The following DHX15 variants were observed in gnomAD, a reference collection of about 807,000 sequenced individuals.
DHX15 encodes the protein DEAH-box helicase 15.
In DHX15, 11 loss-of-function variants were observed where a neutral mutation model predicts 94.4. The observed-to-expected ratio is 0.12, with a 90% confidence interval of 0.07 to 0.19. DHX15 has a LOEUF of 0.19. Ranked by LOEUF, DHX15 falls within the 10% of genes least tolerant of loss-of-function variation. The pLI is 1.00. For missense variants in DHX15, 304 were observed against 988.5 expected (o/e 0.31, Z 9.29); for synonymous variants, 338 against 329.9 (o/e 1.02, Z -0.27).
intron 3 of DHX15, among the ~76,000 whole-genome samples, chr4:24,563,873 G>A (rs1721937523): frequency 6.6e-6 from 1 of 152,012 alleles, no homozygotes; most frequent in South Asian, 2.1e-4. Flanking sequence ...AGACCATCCT[G>A]GCTAACACAG....
At chr4:24,574,882 G>T (rs1231762366) in intron 2 of DHX15, among the ~76,000 whole-genome samples, 1 of 152,088 alleles carries the variant, frequency 6.6e-6, no homozygotes, top group African/African-American at 2.4e-5. Flanking sequence ...GGTGATTTTT[G>T]AATACCCTAA....
intron 5 of DHX15, among the ~76,000 whole-genome samples, chr4:24,550,272 T>C (rs955845110): frequency 6.6e-6 from 1 of 151,996 alleles, no homozygotes; most frequent in African/African-American, 2.4e-5. Context: ...CTGTACATTT[T>C]GGCGATACAA....
chr4:24,556,180 AGTAT>A, intron 4 of DHX15, 67 bp downstream of exon 4: 1 of 1,240,932 alleles, frequency 8.1e-7, no homozygotes, highest in Non-Finnish European at 1.1e-6. Flanking sequence ...GTTATTGATC[AGTAT>A]GTATTCCCCA....
intron 12 of DHX15, 159 bp from the exon 13 acceptor site, chr4:24,529,929 C>T: frequency 1.3e-6 from 1 of 742,486 alleles, no homozygotes; most frequent in South Asian, 1.8e-5. Context: ...AAGCAAACTG[C>T]TGCCTGTGGG....
At chr4:24,557,789 G>A (rs1001166818) in intron 3 of DHX15, among the ~76,000 whole-genome samples, 3 of 152,068 alleles carry the variant, frequency 2.0e-5, no homozygotes, top group Non-Finnish European at 2.9e-5. Context: ...CAACACTATA[G>A]CCCTTAGCTG....
At chr4:24,545,888 T>C (rs765048422) in intron 6 of DHX15, among the ~76,000 whole-genome samples, 60 of 152,214 alleles carry the variant, frequency 3.9e-4, no homozygotes, top group Non-Finnish European at 6.8e-4. Flanking sequence ...TCAAACCGCA[T>C]TGACTAATAT....
At chr4:24,534,114 A>G (rs1005361297) in intron 11 of DHX15, 7 of 152,234 alleles carry the variant, frequency 4.6e-5, no homozygotes, top group Admixed American at 2.0e-4. Flanking sequence ...AAAGAATACA[A>G]TAACATATTA....
At chr4:24,530,924 G>C (rs1721071586) in intron 12 of DHX15, 2 of 152,150 alleles carry the variant, frequency 1.3e-5, no homozygotes, top group Non-Finnish European at 2.9e-5. Flanking sequence ...TTTTTAAAAA[G>C]AGATAGGGTT....
At chr4:24,580,585 T>A (rs1446176159) in intron 1 of DHX15, 1 of 151,602 alleles carries the variant, frequency 6.6e-6, no homozygotes. Context: ...CTCGACTCAC[T>A]GCAACCTCTG....
At chr4:24,539,549 G>A (rs1202375335) in intron 10 of DHX15, among the ~76,000 whole-genome samples, 1 of 152,020 alleles carries the variant, frequency 6.6e-6, no homozygotes. Flanking sequence ...CTTTTACCAA[G>A]TTTTTCTACC....
chr4:24,577,804 T>G (rs1722308350), intron 1 of DHX15, among the ~76,000 whole-genome samples: 1 of 152,162 alleles, frequency 6.6e-6, no homozygotes, highest in South Asian at 2.1e-4. Flanking sequence ...AAATAATCTA[T>G]GCTTGTTCAT....
At position 24,537,469 on chromosome 4, in the gene DHX15, T is replaced by C. The variant is rs1721220058; in HGVS notation, c.1787-296A>G. The stretch of plus-strand genomic sequence containing the variant: ...TCAGGATACTAAAAAGCTCAACTTA[T>C]TTAAAAAAACCAGTGCTGATAGCTC... On this transcript the variant is annotated intron_variant, in intron 10 of 13. Transcript: ENST00000336812. This position sits in a 1 kb window ranked among gnomAD's most constrained non-coding sequence, Gnocchi z 4.7. 3 of 225,198 alleles carry C rather than the reference T, an allele frequency of 1.3e-5. No homozygotes were observed. The highest frequency in any genetic ancestry group is 2.2e-4 in the South Asian group (2 of 9,152). 13.9% of individuals were successfully genotyped at this position (225,198 alleles called of 1,614,324 possible). A position where few individuals can be genotyped will look rare whatever the true frequency, so the allele number is the denominator to read the frequency against.
chr4:24,548,359 G>A (rs1409935322), intron 6 of DHX15, among the ~76,000 whole-genome samples: 2 of 151,754 alleles, frequency 1.3e-5, no homozygotes, highest in Non-Finnish European at 2.9e-5. Flanking sequence ...TGGTCAGGCT[G>A]GTCTCAAACT....
intron 3 of DHX15, among the ~76,000 whole-genome samples, chr4:24,557,080 G>C (rs1438202143): frequency 2.0e-5 from 3 of 152,132 alleles, no homozygotes; most frequent in Admixed American, 1.3e-4. Context: ...AGGGAAACCA[G>C]GCTTAGTTAG....
chr4:24,570,589 TTCTA>T (rs1722100839), intron 3 of DHX15, 61 bp downstream of exon 3: 3 of 1,502,912 alleles, frequency 2.0e-6, no homozygotes, highest in African/African-American at 1.4e-5. Context: ...TAGCAAAGTC[TTCTA>T]TCTAATAGCA....
At chr4:24,560,451 C>G (rs543068372) in intron 3 of DHX15, among the ~76,000 whole-genome samples, 1 of 152,096 alleles carries the variant, frequency 6.6e-6, no homozygotes, top group South Asian at 2.1e-4. Flanking sequence ...GATGCAAAAC[C>G]TGGACATCAT....
intron 5 of DHX15, 127 bp from the exon 6 acceptor site, chr4:24,549,149 A>G: frequency 1.4e-6 from 1 of 718,706 alleles, no homozygotes; most frequent in East Asian, 2.9e-5. Flanking sequence ...CCTGTTTTCA[A>G]TTTAGTAACC....
In DHX15 at chr4:24,584,415, A is replaced by C; in HGVS notation, c.-22T>G. Reference sequence around the variant, plus strand: ...ACATCCTCGCACTCTTCGAACGGGCAGTTATTAAGGAAGAAAGCTGGCTGC... The same window carrying C: ...ACATCCTCGCACTCTTCGAACGGGCCGTTATTAAGGAAGAAAGCTGGCTGC... On this transcript the variant is annotated 5_prime_UTR_variant, in exon 1 of 14. Transcript: ENST00000336812. 2 of 1,608,158 alleles carry C rather than the reference A, an allele frequency of 1.2e-6. No homozygotes were observed. Among genetic ancestry groups the C allele is most frequent in the South Asian group, 2.2e-5 (2 of 90,018 alleles).
chr4:24,578,572 T>C (rs1298370949), intron 1 of DHX15, among the ~76,000 whole-genome samples: 1 of 151,982 alleles, frequency 6.6e-6, no homozygotes, highest in Non-Finnish European at 1.5e-5. Flanking sequence ...AACAACTTCC[T>C]TTTTTTTGAG....
Sources: gnomAD v4.1 joint callset for allele counts (sites outside exome capture counted in the v4.1 genomes callset) on GRCh38, gnomAD v4.1.1 for gene constraint, Gnocchi (gnomAD v3.1) non-coding constraint, MANE v1.5 for transcripts, NCBI Gene and HGNC (gene_info 2026-07-23, HGNC 2026-07-21) for gene names.